Variants in LTBP4 observed in about 807,000 individuals in gnomAD.
LTBP4 encodes latent-transforming growth factor beta-binding protein 4.
LTBP4 carries 93 observed loss-of-function variants against 180.2 expected under a neutral mutation model. The ratio of observed to expected loss-of-function variants is 0.52; its 90% CI spans 0.44 to 0.61. LTBP4 has a LOEUF of 0.61. Ranked by LOEUF, LTBP4 falls within the 20% of genes least tolerant of loss-of-function variation. LTBP4 has a pLI of 0.00. For missense variants in LTBP4, 2,116 were observed against 2,256.5 expected (o/e 0.94, Z 1.26); for synonymous variants, 947 against 934.5 (o/e 1.01, Z -0.24).
chr19:40,596,751 G>A (rs2081392516), upstream of LTBP4, among the ~76,000 whole-genome samples: 1 of 152,116 alleles, frequency 6.6e-6, no homozygotes, highest in African/African-American at 2.4e-5. Context: ...CTCGTGGAAA[G>A]GGGTACCCGT....
chr19:40,598,878 C>A (rs1422070754), upstream of LTBP4, among the ~76,000 whole-genome samples: 5 of 152,266 alleles, frequency 3.3e-5, no homozygotes, highest in East Asian at 3.9e-4. Context: ...TCTTAGAAAT[C>A]GAGTCTTTTG....
Position 40,605,513 on chromosome 19 carries a change from C to A in LTBP4, c.551C>A (p.Ala184Glu), listed in dbSNP as rs1318009701. ...SGPWEEADAE[A>E]VARAEAAARA... The stretch of plus-strand genomic sequence containing the variant: ...CCTTGGGAGGAGGCGGACGCTGAGG[C>A]GGTGGCGCGGGCGGAAGCGGCGGCG... The change falls in exon 3 of 30, where the codon GCG becomes GAG. Residue 184 changes from alanine to glutamate, a missense_variant. This residue lies in a region of LTBP4 where 469 missense variants were observed against 532.5 expected (regional missense o/e 0.88). Coordinates refer to ENST00000396819, the MANE Select transcript of LTBP4 (RefSeq NM_001042545.2). The surrounding 1 kb of genome is among the most constrained non-coding windows in gnomAD (Gnocchi z 5.5). The A allele has an allele frequency of 1.2e-6, 2 of 1,609,270 alleles. No homozygotes were observed. Among genetic ancestry groups the A allele is most frequent in the Admixed American group, 1.7e-5 (1 of 59,884 alleles).
At chr19:40,623,573 G>T in intron 24 of LTBP4, 31 bp from the exon 25 acceptor site, 1 of 1,599,634 alleles carries the variant, frequency 6.3e-7, no homozygotes, top group Non-Finnish European at 8.5e-7. Context: ...CATCCAGCCC[G>T]CCCCCATCTC....
chr19:40,604,016 A>G (rs889498121), intron 1 of LTBP4, among the ~76,000 whole-genome samples: 5 of 152,230 alleles, frequency 3.3e-5, no homozygotes, highest in African/African-American at 1.2e-4. Context: ...CCCCGGTGCT[A>G]CTGGAGGCTG....
chr19:40,608,203 C>T lies in LTBP4; in HGVS notation c.1157-17C>T, dbSNP rs181126225. ...CCGCTCTCTTGTCCTCTCTCTGTCT[C>T]TCTTACCTATTCCCAGAGGGTTTCC... is the stretch of plus-strand genomic sequence containing the variant. On this transcript the variant is annotated splice_polypyrimidine_tract_variant and intron_variant, in intron 7 of 29. Transcript: ENST00000396819. 1.9e-6 allele frequency: 3 copies of T among 1,613,748 alleles called. No homozygotes were observed. Among genetic ancestry groups the T allele is most frequent in the Admixed American group, 1.7e-5 (1 of 60,014 alleles).
chr19:40,620,867 G>T (rs942981342), intron 22 of LTBP4, among the ~76,000 whole-genome samples: 2 of 151,576 alleles, frequency 1.3e-5, no homozygotes, highest in Admixed American at 1.3e-4. Flanking sequence ...TTTTACCTGG[G>T]TATATTTCGT....
At chr19:40,625,286 A>ATATATATATATT (rs1568414440) in intron 26 of LTBP4, among the ~76,000 whole-genome samples, 1 of 5,536 alleles carries the variant, frequency 1.8e-4, no homozygotes, top group Non-Finnish European at 2.9e-4. Flanking sequence ...ATATATATAT[A>ATATATATATATT]TATATATATA....
rs2081643203 is a variant in LTBP4, at chr19:40,627,362, A to G, written c.4366+7A>G. On this transcript the variant is annotated splice_region_variant and intron_variant, in intron 28 of 29. Transcript: ENST00000396819. The stretch of plus-strand genomic sequence containing the variant: ...GAAGGTGGAAGCTATGCTGGTGAGC[A>G]CTGCCAGCGCATGATGAGACTGAGA... The G allele has an allele frequency of 2.0e-6, 3 of 1,492,082 alleles. No homozygotes were observed. Among genetic ancestry groups the G allele is most frequent in the Non-Finnish European group, 2.7e-6 (3 of 1,123,906 alleles). The allele number at this position is 1,492,082 out of a possible 1,614,324, so 92.4% of individuals were successfully genotyped here.
In LTBP4 at chr19:40,614,354, G is replaced by C; in HGVS notation, c.2720G>C (p.Gly907Ala). Reference sequence around the variant, plus strand: ...CGCGAGCGAGGCCCAGCCCTGTGCGGGTCGCAGCGCTGTGAGAACTCTCCC... The same window carrying C: ...CGCGAGCGAGGCCCAGCCCTGTGCGCGTCGCAGCGCTGTGAGAACTCTCCC... The part of the protein sequence containing the change: ...ECRERGPALC[G>A]SQRCENSPGS... The change falls in exon 19 of 30, where the codon GGG becomes GCG. Residue 907 changes from glycine to alanine, a missense_variant. Transcript: ENST00000396819. 6.2e-7 allele frequency: 1 copy of C among 1,600,440 alleles called. No homozygotes were observed. Among genetic ancestry groups the C allele is most frequent in the Non-Finnish European group, 8.5e-7 (1 of 1,179,794 alleles).
intron 1 of LTBP4, among the ~76,000 whole-genome samples, chr19:40,595,407 T>G (rs983511731): frequency 1.3e-5 from 2 of 152,076 alleles, no homozygotes; most frequent in African/African-American, 4.8e-5. Context: ...GCTCTGTCCC[T>G]CAGTGAACCC....
Position 40,606,320 on chromosome 19 carries a change from A to C in LTBP4, c.868+13A>C. 1 of 1,293,414 alleles carries C rather than the reference A, an allele frequency of 7.7e-7. No individual in the cohort carries two copies. Among genetic ancestry groups the C allele is most frequent in the Non-Finnish European group, 1.1e-6 (1 of 893,616 alleles). 80.1% of individuals were successfully genotyped at this position (1,293,414 alleles called of 1,614,324 possible). On this transcript the variant is annotated intron_variant, in intron 5 of 29. Coordinates refer to ENST00000396819, the MANE Select transcript of LTBP4 (RefSeq NM_001042545.2). ...GGGTCCTGCGAAGGTGCAACGGGGC[A>C]GGGGTGGGAGGGGCTTGGTTCTGGG...
intron 1 of LTBP4, among the ~76,000 whole-genome samples, chr19:40,602,937 G>T (rs1394073150): frequency 6.6e-6 from 1 of 151,970 alleles, no homozygotes; most frequent in Non-Finnish European, 1.5e-5. Context: ...CTGCAATTTT[G>T]ATTCCTAGTT....
intron 6 of LTBP4, 34 bp downstream of exon 6, chr19:40,606,560 C>T (rs1177598450): frequency 6.5e-7 from 1 of 1,544,108 alleles, no homozygotes; most frequent in Non-Finnish European, 8.7e-7. Context: ...GGCTGGGTCC[C>T]GCCCTCCCTG....
At position 40,611,481 on chromosome 19, in the gene LTBP4, T is replaced by G; in HGVS notation, c.2053+87T>G. 1 of 1,516,244 alleles carries G rather than the reference T, an allele frequency of 6.6e-7. No individual in the cohort carries two copies. Among genetic ancestry groups the G allele is most frequent in the Non-Finnish European group, 8.8e-7 (1 of 1,134,392 alleles). 93.9% of individuals were successfully genotyped at this position (1,516,244 alleles called of 1,614,324 possible). On this transcript the variant is annotated intron_variant, in intron 13 of 29. Transcript: ENST00000396819. The surrounding 1 kb of genome is among the most constrained non-coding windows in gnomAD (Gnocchi z 4.4). ...ATTGAGGGGCAGAGAGGCAGAGTGA[T>G]GGGGCTCAGGGATGGAGAACAGGGG...
In LTBP4 at chr19:40,613,505, G is replaced by A; in HGVS notation, c.2533G>A (p.Gly845Arg). ...ACTCAPGYRPGPRGASCLDVD... is the reference protein window; with the variant it reads ...ACTCAPGYRPRPRGASCLDVD... The stretch of plus-strand genomic sequence containing the variant: ...TACTTGTGCCCCTGGCTACCGACCC[G>A]GACCCCGCGGAGCCTCTTGCCTCGG... The change falls in exon 17 of 30, where the codon GGA becomes AGA. Residue 845 changes from glycine to arginine, a missense_variant. This residue lies in a region of LTBP4 where 877 missense variants were observed against 873.6 expected (regional missense o/e 1.00). Coordinates refer to ENST00000396819, the MANE Select transcript of LTBP4 (RefSeq NM_001042545.2). The surrounding 1 kb of genome is among the most constrained non-coding windows in gnomAD (Gnocchi z 5.0). 6.4e-7 allele frequency: 1 copy of A among 1,574,672 alleles called. No homozygotes were observed. The highest frequency in any genetic ancestry group is 1.8e-5 in the Admixed American group (1 of 54,472).
chr19:40,599,329 C>T, upstream of LTBP4: 2 of 1,610,734 alleles, frequency 1.2e-6, no homozygotes, highest in African/African-American at 2.7e-5. Flanking sequence ...GCTCCCCATC[C>T]CTCCCCTCAT....
chr19:40,600,273 C>T (rs184662521), upstream of LTBP4: 9,675 of 562,260 alleles, frequency 0.017, 122 homozygotes, highest in Non-Finnish European at 0.021. The surrounding 1 kb of genome is among the most constrained non-coding windows in gnomAD (Gnocchi z 4.4). Flanking sequence ...CCTACCCGCC[C>T]CCCGTTGTAG....
In LTBP4 at chr19:40,613,870, G is replaced by T; in HGVS notation, c.2558-46G>T. The T allele has an allele frequency of 1.2e-6, 2 of 1,611,900 alleles. No individual in the cohort carries two copies. Among genetic ancestry groups the T allele is most frequent in the African/African-American group, 2.7e-5 (2 of 75,022 alleles). On this transcript the variant is annotated intron_variant, in intron 17 of 29. Coordinates refer to ENST00000396819, the MANE Select transcript of LTBP4 (RefSeq NM_001042545.2). This position sits in a 1 kb window ranked among gnomAD's most constrained non-coding sequence, Gnocchi z 5.0. Reference sequence around the variant, plus strand: ...TGGAGGGGTGTGGCCTAGAATGTTAGGCGGAGCGGGAGGTGGGCCGGGCCT... The same window carrying T: ...TGGAGGGGTGTGGCCTAGAATGTTATGCGGAGCGGGAGGTGGGCCGGGCCT...
intron 1 of LTBP4, among the ~76,000 whole-genome samples, chr19:40,603,871 C>T (rs2081440167): frequency 1.3e-5 from 2 of 152,258 alleles, no homozygotes; most frequent in African/African-American, 2.4e-5. Flanking sequence ...AATGTGGAGC[C>T]TCCGCCCTGC....
Sources: allele counts gnomAD v4.1 joint callset (sites outside exome capture counted in the v4.1 genomes callset), GRCh38; gene constraint gnomAD v4.1.1; regional missense constraint gnomAD v4.1.1; non-coding constraint Gnocchi (gnomAD v3.1); transcripts MANE v1.5; gene names NCBI Gene and HGNC (gene_info 2026-07-23, HGNC 2026-07-21).